The following CASZ1 variants were observed in gnomAD, a reference collection of about 807,000 sequenced individuals.
The protein encoded by CASZ1 is castor zinc finger 1, also known as zinc finger protein castor homolog 1.
A neutral mutation model predicts 135.2 loss-of-function variants in CASZ1; 28 were observed. That is an observed-to-expected ratio of 0.21 (90% CI 0.15 to 0.28). The LOEUF (loss-of-function observed/expected upper bound fraction) is 0.28. CASZ1 is among the 10% of genes least tolerant of loss of function. The probability of loss-of-function intolerance (pLI) is 1.00; values close to 1 mark genes in which losing one functional copy is unlikely to be tolerated. For missense variants in CASZ1, 2,161 were observed against 2,453.3 expected (o/e 0.88, Z 2.52); for synonymous variants, 1,068 against 1,073.4 (o/e 0.99, Z 0.10).
At position 10,694,022 on chromosome 1, in the gene CASZ1, C is replaced by G; in HGVS notation, c.-23-110G>C. The G allele has an allele frequency of 3.9e-6, 4 of 1,034,736 alleles. No individual in the cohort carries two copies. The highest frequency in any genetic ancestry group is 5.8e-5 in the East Asian group (2 of 34,560). 64.1% of individuals were successfully genotyped at this position (1,034,736 alleles called of 1,614,324 possible). A position where few individuals can be genotyped will look rare whatever the true frequency, so the allele number is the denominator to read the frequency against. On this transcript the variant is annotated intron_variant, in intron 3 of 20. Transcript: ENST00000377022. The surrounding 1 kb of genome is among the most constrained non-coding windows in gnomAD (Gnocchi z 6.6). ...TGTCCCCCGCCCCGCAGGAGCGGCC[C>G]GTCCCGGGCGGGCGCCGAGGCCGCG...
intron 2 of CASZ1, among the ~76,000 whole-genome samples, chr1:10,738,334 C>G (rs896548034): frequency 6.6e-6 from 1 of 152,220 alleles, no homozygotes; most frequent in Non-Finnish European, 1.5e-5. Context: ...GGCAGGAAAC[C>G]CGGAAGGACG....
intron 1 of CASZ1, among the ~76,000 whole-genome samples, chr1:10,773,502 G>A (rs551204862): frequency 1.5e-4 from 23 of 152,216 alleles, no homozygotes; most frequent in African/African-American, 4.1e-4. Context: ...TGGGACCCGG[G>A]AAGGAAATGG....
At chr1:10,793,169 TA>T (rs1392943236) in intron 1 of CASZ1, among the ~76,000 whole-genome samples, 2 of 152,080 alleles carry the variant, frequency 1.3e-5, no homozygotes, top group African/African-American at 4.8e-5. Context: ...CTGACTTTCT[TA>T]TTTTTTTAAA....
chr1:10,722,703 C>T lies in CASZ1; in HGVS notation c.-76-17159G>A, dbSNP rs1431429042. Among the ~76,000 whole-genome samples, 3 of 152,224 alleles carry T rather than the reference C, an allele frequency of 2.0e-5. No individual in the cohort carries two copies. The East Asian group carries it at 5.8e-4, about 29-fold the overall frequency. On this transcript the variant is annotated intron_variant, in intron 2 of 20. Transcript: ENST00000377022. ...GCTCCATGTCTGCCCCCAGCAGAGC[C>T]GTGGTGGTGGCTGAAGGTGGTCCCA... is the stretch of plus-strand genomic sequence containing the variant.
intron 3 of CASZ1, among the ~76,000 whole-genome samples, chr1:10,698,014 G>A (rs1388709076): frequency 6.6e-6 from 1 of 152,248 alleles, no homozygotes; most frequent in Non-Finnish European, 1.5e-5. Flanking sequence ...CACGGGCACG[G>A]GAGGTCGTGG....
At chr1:10,750,770 C>T (rs905537552) in intron 2 of CASZ1, among the ~76,000 whole-genome samples, 1 of 152,020 alleles carries the variant, frequency 6.6e-6, no homozygotes, top group African/African-American at 2.4e-5. Flanking sequence ...CATGGTGGCG[C>T]GACCTGTAAT....
chr1:10,641,328 G>A (rs1362106813), intron 20 of CASZ1, among the ~76,000 whole-genome samples: 2 of 152,244 alleles, frequency 1.3e-5, no homozygotes, highest in South Asian at 2.1e-4. Flanking sequence ...CCCTGAGGAG[G>A]GGGAGGCTCG....
chr1:10,639,027 CCCGCCGCCTCCG>C lies in CASZ1; in HGVS notation c.5183_5194del (p.Ala1728_Ala1731del), dbSNP rs1430027598. On this transcript the variant is annotated inframe_deletion, in exon 21 of 21. Coordinates refer to ENST00000377022, the MANE Select transcript of CASZ1 (RefSeq NM_001079843.3). The surrounding 1 kb of genome is among the most constrained non-coding windows in gnomAD (Gnocchi z 4.0). ...CAAGGCCGGGGTCCGCGCGCCCGCG[CCCGCCGCCTCCG>C]CCGCCGCCTCGGGCAGCGACTCCTC... The C allele has an allele frequency of 2.9e-6, 3 of 1,025,370 alleles. No homozygotes were observed. Among genetic ancestry groups the C allele is most frequent in the Non-Finnish European group, 3.5e-6 (3 of 848,440 alleles). The allele number at this position is 1,025,370 out of a possible 1,614,324, so 63.5% of individuals were successfully genotyped here.
chr1:10,779,914 C>T (rs1037931873), intron 1 of CASZ1, among the ~76,000 whole-genome samples: 4 of 152,154 alleles, frequency 2.6e-5, no homozygotes, highest in East Asian at 1.9e-4. Flanking sequence ...GGGCTTTGCC[C>T]GAGTGACCCA....
chr1:10,681,651 C>G (rs962026129), intron 4 of CASZ1, among the ~76,000 whole-genome samples: 11 of 152,354 alleles, frequency 7.2e-5, no homozygotes, highest in Admixed American at 5.2e-4. Context: ...TGGGACGAGA[C>G]CACTGTTTCA....
chr1:10,727,902 T>G lies in CASZ1; in HGVS notation c.-76-22358A>C, dbSNP rs1639625748. 6.6e-6 allele frequency among the ~76,000 whole-genome samples: 1 copy of G among 152,190 alleles called. No individual in the cohort carries two copies. Among genetic ancestry groups the G allele is most frequent in the Non-Finnish European group, 1.5e-5 (1 of 68,014 alleles). On this transcript the variant is annotated intron_variant, in intron 2 of 20. Coordinates refer to ENST00000377022, the MANE Select transcript of CASZ1 (RefSeq NM_001079843.3). This position sits in a 1 kb window ranked among gnomAD's most constrained non-coding sequence, Gnocchi z 5.3. Reference sequence around the variant, plus strand: ...CTGGGGGGAGAACTCAGGCTTGCCATGCCCCGGCACCATGCCAACACGTGG... The same window carrying G: ...CTGGGGGGAGAACTCAGGCTTGCCAGGCCCCGGCACCATGCCAACACGTGG...
In CASZ1 at chr1:10,649,184, G is replaced by A. The variant is rs891983668; in HGVS notation, c.3044C>T (p.Thr1015Ile). The change falls in exon 15 of 21, where the codon ACA (threonine) becomes ATA (isoleucine). Residue 1015 changes from threonine (T) to isoleucine (I), a missense_variant. Thr to Ile is a moderately conservative substitution (Grantham distance 89). Around this residue, in one of 7 missense-constraint regions of CASZ1, gnomAD observed 349 missense variants for 460.8 expected, o/e 0.76. Coordinates refer to ENST00000377022, the MANE Select transcript of CASZ1 (RefSeq NM_001079843.3). ...ACACTGGCCGTCACAGAAGTCCTTT[G>A]TACCAAACCTAGCCAGAGGAGCTGG... ...PWKVYLRRFG[T>I]KDFCDGQCDF... The A allele has an allele frequency of 4.3e-6, 7 of 1,613,648 alleles. No homozygotes were observed. Among genetic ancestry groups the A allele is most frequent in the Non-Finnish European group, 5.9e-6 (7 of 1,179,992 alleles).
At chr1:10,764,567 G>A (rs1317884617) in intron 1 of CASZ1, among the ~76,000 whole-genome samples, 3 of 152,318 alleles carry the variant, frequency 2.0e-5, no homozygotes, top group Non-Finnish European at 2.9e-5. Flanking sequence ...ATGGAGACAC[G>A]AAGTGACTTG....
intron 4 of CASZ1, among the ~76,000 whole-genome samples, chr1:10,680,068 GC>G (rs540403139): frequency 5.3e-4 from 80 of 152,268 alleles, no homozygotes; most frequent in African/African-American, 1.8e-3. Flanking sequence ...CTGGGGTGGG[GC>G]AGGCTGGGGA....
At chr1:10,696,592 C>T (rs1638939535) in intron 3 of CASZ1, among the ~76,000 whole-genome samples, 1 of 152,266 alleles carries the variant, frequency 6.6e-6, no homozygotes, top group South Asian at 2.1e-4. Flanking sequence ...AGGCTTGCAG[C>T]TCTGGCTGGT....
intron 1 of CASZ1, among the ~76,000 whole-genome samples, chr1:10,784,010 C>T (rs969472503): frequency 3.9e-5 from 6 of 152,228 alleles, no homozygotes; most frequent in East Asian, 3.9e-4. Context: ...AGAACCCCAG[C>T]GAGGCGGCAC....
chr1:10,641,396 T>TGC (rs1642195666), intron 20 of CASZ1, among the ~76,000 whole-genome samples: 1 of 152,168 alleles, frequency 6.6e-6, no homozygotes, highest in Non-Finnish European at 1.5e-5. Flanking sequence ...GAGGCAAGAA[T>TGC]TAGCAGAGGA....
Position 10,782,618 on chromosome 1 carries a change from T to C in CASZ1, c.-234+13946A>G, listed in dbSNP as rs2100615096. On this transcript the variant is annotated intron_variant, in intron 1 of 20. Transcript: ENST00000377022. Reference sequence around the variant, plus strand: ...GGTGGGTCACCCGGGACAGACAGTCTCCAATCGTGCTGAGCACAGCACGTC... The same window carrying C: ...GGTGGGTCACCCGGGACAGACAGTCCCCAATCGTGCTGAGCACAGCACGTC... Among the ~76,000 whole-genome samples the C allele has an allele frequency of 2.0e-5, 3 of 152,058 alleles. 1 individual carries two copies. The Middle Eastern group carries it at 0.01, about 521-fold the overall frequency.
rs1640288412 is a variant in CASZ1, at chr1:10,757,837, CAA to C, written c.-77+2862_-77+2863del. 6.6e-6 allele frequency among the ~76,000 whole-genome samples: 1 copy of C among 152,042 alleles called. No homozygotes were observed. Among genetic ancestry groups the C allele is most frequent in the African/African-American group, 2.4e-5 (1 of 41,398 alleles). ...CCATCACATCACTTTACCTCTGGCT[CAA>C]AACCCTCCAGCGGCTTCCTATCACC... On this transcript the variant is annotated intron_variant, in intron 2 of 20. Coordinates refer to ENST00000377022, the MANE Select transcript of CASZ1 (RefSeq NM_001079843.3). The surrounding 1 kb of genome is among the most constrained non-coding windows in gnomAD (Gnocchi z 4.6).
Sources: gnomAD v4.1 joint callset for allele counts (sites outside exome capture counted in the v4.1 genomes callset) on GRCh38, gnomAD v4.1.1 for gene constraint, gnomAD v4.1.1 regional missense constraint, Gnocchi (gnomAD v3.1) non-coding constraint, MANE v1.5 for transcripts, NCBI Gene and HGNC (gene_info 2026-07-23, HGNC 2026-07-21) for gene names.